ASIC2: variants seen among roughly 807,000 people sequenced by gnomAD.
ASIC2 encodes the protein acid sensing ion channel subunit 2, also known as acid-sensing ion channel 2.
ASIC2 carries 25 observed loss-of-function variants against 57.3 expected under a neutral mutation model. That is an observed-to-expected ratio of 0.44 (90% CI 0.32 to 0.61). The LOEUF (loss-of-function observed/expected upper bound fraction) is 0.61, where lower values mean the gene tolerates loss of function less well. Ranked by LOEUF, ASIC2 falls within the 20% of genes least tolerant of loss-of-function variation. ASIC2 has a pLI of 0.06. For missense variants in ASIC2, 641 were observed against 738.1 expected, an observed-to-expected ratio of 0.87 and a Z score of 1.52; for synonymous variants, 319 against 307.5, an observed-to-expected ratio of 1.04 and a Z score of -0.39.
At chr17:33,261,240 G>T (rs930046681) in intron 1 of ASIC2, among the ~76,000 whole-genome samples, 1 of 152,082 alleles carries the variant, frequency 6.6e-6, no homozygotes, top group Non-Finnish European at 1.5e-5. Flanking sequence ...TTCCACCTAC[G>T]CTCTTGAGCA....
chr17:33,330,957 C>T (rs992433904), intron 1 of ASIC2, among the ~76,000 whole-genome samples: 1 of 152,006 alleles, frequency 6.6e-6, no homozygotes, highest in Non-Finnish European at 1.5e-5. Flanking sequence ...TTAGGTAATC[C>T]CTTAGACCAG....
chr17:33,354,765 A>G (rs1320521221), intron 1 of ASIC2, among the ~76,000 whole-genome samples: 2 of 152,020 alleles, frequency 1.3e-5, no homozygotes, highest in African/African-American at 4.8e-5. Context: ...TCCCCTGTTT[A>G]TATGCTCAGC....
chr17:33,744,869 C>G (rs113885884), intron 1 of ASIC2, among the ~76,000 whole-genome samples: 16 of 152,060 alleles, frequency 1.1e-4, no homozygotes, highest in Non-Finnish European at 1.5e-4. Flanking sequence ...AAAAAAGAAA[C>G]AAGTGGAAAT....
intron 1 of ASIC2, among the ~76,000 whole-genome samples, chr17:33,245,911 C>T (rs1310204875): frequency 2.0e-5 from 3 of 151,962 alleles, no homozygotes; most frequent in Non-Finnish European, 2.9e-5. Flanking sequence ...CACTCTGGGC[C>T]AGGCACAATA....
chr17:33,905,967 G>C (rs2141956213), intron 1 of ASIC2, among the ~76,000 whole-genome samples: 1 of 151,820 alleles, frequency 6.6e-6, no homozygotes, highest in South Asian at 2.1e-4. Flanking sequence ...ATAGGCACAA[G>C]CCACTATGCC....
At chr17:33,148,161 C>T (rs1904642879) in intron 1 of ASIC2, among the ~76,000 whole-genome samples, 1 of 152,200 alleles carries the variant, frequency 6.6e-6, no homozygotes, top group Admixed American at 6.5e-5. Flanking sequence ...ACCTTCTGTG[C>T]CGTTTCATCT....
At chr17:34,017,657 C>T (rs1393871059) in intron 1 of ASIC2, among the ~76,000 whole-genome samples, 1 of 152,124 alleles carries the variant, frequency 6.6e-6, no homozygotes, top group Non-Finnish European at 1.5e-5. Flanking sequence ...GATAAGAAAG[C>T]AAAACAGCCT....
intron 1 of ASIC2, among the ~76,000 whole-genome samples, chr17:33,235,336 C>T (rs116050791): frequency 1.8e-3 from 274 of 152,244 alleles, no homozygotes; most frequent in African/African-American, 6.3e-3. Flanking sequence ...GTGGGGCTGA[C>T]GTGGGAGGGA....
intron 1 of ASIC2, among the ~76,000 whole-genome samples, chr17:33,469,679 A>T (rs560973354): frequency 6.6e-6 from 1 of 152,272 alleles, no homozygotes; most frequent in African/African-American, 2.4e-5. Flanking sequence ...CTGGAATGAC[A>T]TTGTCATAAT....
At chr17:34,021,840 T>TTG (rs1291000643) in intron 1 of ASIC2, among the ~76,000 whole-genome samples, 10 of 142,612 alleles carry the variant, frequency 7.0e-5, no homozygotes, top group East Asian at 4.0e-4. Flanking sequence ...TTGTTTTGTT[T>TTG]TTTTTTTTTT....
At chr17:34,087,913 G>A (rs1224052652) in intron 1 of ASIC2, among the ~76,000 whole-genome samples, 1 of 152,056 alleles carries the variant, frequency 6.6e-6, no homozygotes, top group Admixed American at 6.6e-5. Flanking sequence ...TCACTTCTCT[G>A]TATTGGTTAT....
At chr17:33,812,677 T>C (rs565736523) in intron 1 of ASIC2, among the ~76,000 whole-genome samples, 1 of 152,250 alleles carries the variant, frequency 6.6e-6, no homozygotes, top group Non-Finnish European at 1.5e-5. Flanking sequence ...TCAGAAATTT[T>C]ATGTGAACCC....
intron 1 of ASIC2, among the ~76,000 whole-genome samples, chr17:33,912,661 A>T (rs1042819220): frequency 6.6e-6 from 1 of 152,054 alleles, no homozygotes; most frequent in Admixed American, 6.6e-5. Flanking sequence ...CAGAAAAACT[A>T]GAGACTGTCA....
chr17:33,215,211 A>G (rs1426071402), intron 1 of ASIC2, among the ~76,000 whole-genome samples: 1 of 152,224 alleles, frequency 6.6e-6, no homozygotes, highest in Non-Finnish European at 1.5e-5. Flanking sequence ...AGTATTGTAA[A>G]ATGGGGATTC....
intron 1 of ASIC2, among the ~76,000 whole-genome samples, chr17:33,546,362 T>A (rs725276): frequency 0.46 from 70,270 of 151,794 alleles, 16,349 homozygotes; most frequent in South Asian, 0.53. Flanking sequence ...GATTGCAGCA[T>A]CTTTTGCTGT....
intron 1 of ASIC2, among the ~76,000 whole-genome samples, chr17:33,298,303 T>C (rs1044935825): frequency 2.6e-5 from 4 of 151,996 alleles, no homozygotes; most frequent in African/African-American, 9.7e-5. Flanking sequence ...TGTGTCCAAG[T>C]GTTCTCATTG....
chr17:33,539,819 T>C (rs1221362119), intron 1 of ASIC2, among the ~76,000 whole-genome samples: 1 of 151,710 alleles, frequency 6.6e-6, no homozygotes. Context: ...CATGGGAGAG[T>C]GCAGGGAACA....
chr17:33,149,479 C>T (rs1302055894), intron 1 of ASIC2, among the ~76,000 whole-genome samples: 2 of 152,146 alleles, frequency 1.3e-5, no homozygotes, highest in African/African-American at 4.8e-5. Flanking sequence ...ACTATTCTTT[C>T]ATCATTGAGT....
intron 1 of ASIC2, among the ~76,000 whole-genome samples, chr17:33,977,522 C>A (rs970799552): frequency 1.3e-5 from 2 of 152,182 alleles, no homozygotes; most frequent in African/African-American, 4.8e-5. Flanking sequence ...TCACATTTAT[C>A]CAACAAATAT....
Sources: allele counts gnomAD v4.1 joint callset (sites outside exome capture counted in the v4.1 genomes callset), GRCh38; gene constraint gnomAD v4.1.1; transcripts MANE v1.5; gene names NCBI Gene and HGNC (gene_info 2026-07-23, HGNC 2026-07-21).